EPHB1: variants seen among roughly 807,000 people sequenced by gnomAD.
The protein encoded by EPHB1 is EPH receptor B1, also known as ephrin type-B receptor 1.
EPHB1 carries 30 observed loss-of-function variants against 94.4 expected under a neutral mutation model. The ratio of observed to expected loss-of-function variants is 0.32; its 90% CI spans 0.24 to 0.43. The LOEUF is 0.43. Ranked by LOEUF, EPHB1 falls within the 20% of genes least tolerant of loss-of-function variation. The pLI, the probability that EPHB1 is intolerant of heterozygous loss-of-function variation, is 1.00. For synonymous variants in EPHB1, 522 were observed against 489.1 expected, an observed-to-expected ratio of 1.07 and a Z score of -0.89; for missense variants, 1,055 against 1,308.3, an observed-to-expected ratio of 0.81 and a Z score of 2.99.
At chr3:135,037,479 C>T (rs1696884892) in intron 3 of EPHB1, among the ~76,000 whole-genome samples, 1 of 152,160 alleles carries the variant, frequency 6.6e-6, no homozygotes, top group Non-Finnish European at 1.5e-5. Context: ...AGCATTAGCT[C>T]CCAACATAAA....
Position 135,179,933 on chromosome 3 carries a change from C to T in EPHB1, c.1833C>T (p.Ala611=). ...EDPNEAVREF[A]KEIDVSFVKI... ...CCAACGAAGCTGTCCGGGAGTTTGCCAAGGAGATTGATGTATCTTTTGTGA... is the reference window on the plus strand; with the variant it reads ...CCAACGAAGCTGTCCGGGAGTTTGCTAAGGAGATTGATGTATCTTTTGTGA... The change falls in exon 10 of 16, where the codon GCC becomes GCT. Residue 611 remains alanine (A), a synonymous_variant. Coordinates refer to ENST00000398015, the MANE Select transcript of EPHB1 (RefSeq NM_004441.5). 1 of 1,613,960 alleles carries T rather than the reference C, an allele frequency of 6.2e-7. No individual in the cohort carries two copies. The highest frequency in any genetic ancestry group is 8.5e-7 in the Non-Finnish European group (1 of 1,179,854).
chr3:134,920,376 C>T (rs1176348857), intron 1 of EPHB1, among the ~76,000 whole-genome samples: 1 of 152,166 alleles, frequency 6.6e-6, no homozygotes, highest in African/African-American at 2.4e-5. Context: ...TGTTCTTGAG[C>T]TATTTCATAG....
At chr3:135,213,615 C>T (rs541756647) in intron 12 of EPHB1, among the ~76,000 whole-genome samples, 1 of 152,300 alleles carries the variant, frequency 6.6e-6, no homozygotes, top group African/African-American at 2.4e-5. Context: ...CACTCACAAA[C>T]TTGATCTTTA....
chr3:134,975,808 G>C (rs1333800566), intron 3 of EPHB1, among the ~76,000 whole-genome samples: 3 of 151,832 alleles, frequency 2.0e-5, no homozygotes, highest in Non-Finnish European at 2.9e-5. Flanking sequence ...ACAACATCTT[G>C]CCTCCTAAAG....
At chr3:134,798,657 C>T (rs1052628960) in intron 1 of EPHB1, among the ~76,000 whole-genome samples, 10 of 152,314 alleles carry the variant, frequency 6.6e-5, no homozygotes, top group Admixed American at 6.5e-5. Flanking sequence ...CTTTGCTCAG[C>T]GTCCTGACAA....
In EPHB1 at chr3:135,248,475, G is replaced by A. The variant is rs868241569; in HGVS notation, c.2656G>A (p.Ala886Thr). 6.2e-7 allele frequency: 1 copy of A among 1,611,786 alleles called. No homozygotes were observed. The highest frequency in any genetic ancestry group is 8.5e-7 in the Non-Finnish European group (1 of 1,178,586). The change falls in exon 14 of 16, where the codon GCA becomes ACA. Residue 886 changes from alanine (A) to threonine (T), a missense_variant. Physicochemically the swap from Ala to Thr is moderately conservative, Grantham distance 58. Transcript: ENST00000398015. ...CCTAGATAAGATGATCCGGAACCCG[G>A]CAAGTCTCAAGACTGTGGCAACCAT... ...NTLDKMIRNP[A>T]SLKTVATITA...
intron 2 of EPHB1, among the ~76,000 whole-genome samples, chr3:134,941,757 AC>A (rs2039121951): frequency 1.6e-5 from 1 of 60,938 alleles, no homozygotes; most frequent in Non-Finnish European, 3.5e-5. Context: ...ACACAGACAC[AC>A]ACACACACAC....
At chr3:134,876,976 T>C (rs1463313570) in intron 1 of EPHB1, among the ~76,000 whole-genome samples, 1 of 152,200 alleles carries the variant, frequency 6.6e-6, no homozygotes, top group African/African-American at 2.4e-5. Flanking sequence ...ATGTGTTACA[T>C]TGAGCTCTGA....
At chr3:134,919,297 A>C (rs1171353416) in intron 1 of EPHB1, among the ~76,000 whole-genome samples, 1 of 152,114 alleles carries the variant, frequency 6.6e-6, no homozygotes, top group African/African-American at 2.4e-5. Flanking sequence ...TAGATGGGGG[A>C]GACACATGGG....
intron 1 of EPHB1, among the ~76,000 whole-genome samples, chr3:134,838,558 A>G (rs1447088792): frequency 2.0e-5 from 3 of 152,170 alleles, no homozygotes; most frequent in African/African-American, 7.2e-5. Context: ...GTCATCTCTT[A>G]TGCTCAAATT....
chr3:134,891,763 G>C (rs2037988902), intron 1 of EPHB1, among the ~76,000 whole-genome samples: 1 of 152,210 alleles, frequency 6.6e-6, no homozygotes, highest in Non-Finnish European at 1.5e-5. Context: ...TGGATCCAAA[G>C]GTCTGTTTGA....
At chr3:134,905,975 G>T (rs541050542) in intron 1 of EPHB1, among the ~76,000 whole-genome samples, 1 of 152,278 alleles carries the variant, frequency 6.6e-6, no homozygotes, top group Admixed American at 6.5e-5. Flanking sequence ...TCATACCTCT[G>T]ATTGGTGGTT....
At chr3:134,879,326 A>G (rs2037680727) in intron 1 of EPHB1, among the ~76,000 whole-genome samples, 1 of 152,144 alleles carries the variant, frequency 6.6e-6, no homozygotes, top group African/African-American at 2.4e-5. Context: ...TGCCAAGCAC[A>G]GATCCTATCA....
chr3:134,894,813 G>T (rs1236053318), intron 1 of EPHB1, among the ~76,000 whole-genome samples: 1 of 152,230 alleles, frequency 6.6e-6, no homozygotes, highest in Non-Finnish European at 1.5e-5. Context: ...ACACATTGAA[G>T]AGCCAAGTGC....
At chr3:134,900,556 G>A (rs1308535188) in intron 1 of EPHB1, among the ~76,000 whole-genome samples, 1 of 152,136 alleles carries the variant, frequency 6.6e-6, no homozygotes, top group Non-Finnish European at 1.5e-5. Context: ...AGGATGTCAT[G>A]ACTCCTCTTC....
intron 3 of EPHB1, among the ~76,000 whole-genome samples, chr3:134,981,283 A>G (rs920308973): frequency 3.3e-5 from 5 of 152,204 alleles, no homozygotes; most frequent in Admixed American, 2.0e-4. Flanking sequence ...GTGTTGCAAT[A>G]ACAAAAACTC....
chr3:135,166,032 C>G lies in EPHB1; in HGVS notation c.1650C>G (p.Val550=), dbSNP rs773261269. The change falls in exon 8 of 16, where the codon GTC becomes GTG. Residue 550 remains valine (V), a synonymous_variant. Coordinates refer to ENST00000398015, the MANE Select transcript of EPHB1 (RefSeq NM_004441.5). ...PLIAGSAAAG[V]VFVVSLVAIS... ...TTGCTGGCTCGGCAGCGGCCGGGGT[C>G]GTGTTCGTTGTGTCCTTGGTGGCCA... The G allele has an allele frequency of 1.2e-6, 2 of 1,613,766 alleles. No individual in the cohort carries two copies. Among genetic ancestry groups the G allele is most frequent in the Non-Finnish European group, 1.7e-6 (2 of 1,179,876 alleles).
intron 3 of EPHB1, among the ~76,000 whole-genome samples, chr3:135,083,755 A>G (rs967686028): frequency 1.3e-5 from 2 of 152,162 alleles, no homozygotes; most frequent in Admixed American, 6.5e-5. Context: ...TGTAGAAGTT[A>G]GTGCTACATA....
intron 1 of EPHB1, chr3:134,841,539 A>G (rs1204532396): frequency 6.6e-6 from 1 of 152,364 alleles, no homozygotes. Flanking sequence ...GGATGACTAC[A>G]TCATAAAAAG....
Sources: allele counts gnomAD v4.1 joint callset (sites outside exome capture counted in the v4.1 genomes callset), GRCh38; gene constraint gnomAD v4.1.1; transcripts MANE v1.5; gene names NCBI Gene and HGNC (gene_info 2026-07-23, HGNC 2026-07-21).